The following ZNF100 variants were observed in gnomAD, a reference collection of about 807,000 sequenced individuals.
ZNF100 encodes the protein zinc finger protein 100.
Under a neutral mutation model 15.8 loss-of-function variants are expected in ZNF100, and 12 were observed. That is an observed-to-expected ratio of 0.76 (90% CI 0.49 to 1.23). ZNF100 has a LOEUF of 1.23. Among genes scored for constraint, ZNF100 ranks in the 50% most tolerant of loss-of-function variants. The pLI, the probability that ZNF100 is intolerant of heterozygous loss-of-function variation, is 0.00. For missense variants in ZNF100, 670 were observed against 635.6 expected (o/e 1.05, Z -0.58); for synonymous variants, 226 against 214.8 (o/e 1.05, Z -0.45).
At chr19:21,767,330 TGA>T in intron 1 of ZNF100, 95 bp downstream of exon 1, 1 of 1,597,244 alleles carries the variant, frequency 6.3e-7, no homozygotes, top group Non-Finnish European at 8.6e-7. Context: ...ATTGTGAAGC[TGA>T]CTGCGGAGAG....
chr19:21,735,320 C>A (rs2035988792), intron 4 of ZNF100, among the ~76,000 whole-genome samples: 1 of 151,920 alleles, frequency 6.6e-6, no homozygotes, highest in Non-Finnish European at 1.5e-5. Flanking sequence ...CGGTGAAACC[C>A]CGTCTCTACT....
intron 2 of ZNF100, among the ~76,000 whole-genome samples, chr19:21,764,875 A>G (rs926833569): frequency 6.6e-6 from 1 of 152,176 alleles, no homozygotes; most frequent in Non-Finnish European, 1.5e-5. Context: ...TGATGTTTTA[A>G]TGAATCTATG....
intron 2 of ZNF100, 142 bp downstream of exon 2, chr19:21,765,552 G>T: frequency 1.6e-5 from 10 of 641,906 alleles, no homozygotes; most frequent in South Asian, 2.6e-5. Context: ...CTATTTTTCT[G>T]CCCCCCTTAG....
At chr19:21,756,504 A>ACACAC (rs1382293235) in intron 2 of ZNF100, among the ~76,000 whole-genome samples, 37 of 151,874 alleles carry the variant, frequency 2.4e-4, no homozygotes, top group Non-Finnish European at 1.0e-4. Flanking sequence ...ACACACACAC[A>ACACAC]CACAAATATC....
At chr19:21,730,848 T>A (rs926722411) in intron 4 of ZNF100, among the ~76,000 whole-genome samples, 6 of 151,338 alleles carry the variant, frequency 4.0e-5, no homozygotes, top group African/African-American at 1.5e-4. Flanking sequence ...GAAAAACAAT[T>A]AAACATTTAC....
Position 21,723,849 on chromosome 19 carries a change from T to A in ZNF100, c.*2834A>T, listed in dbSNP as rs574863094. ...TTGACTCAATAAATAAATTTACTTA[T>A]GTCAACTATAAAAAGTGAAAAGAAA... On this transcript the variant is annotated 3_prime_UTR_variant, in exon 5 of 5. Coordinates refer to ENST00000358296, the MANE Select transcript of ZNF100 (RefSeq NM_173531.4). 6.6e-6 allele frequency: 1 copy of A among 152,206 alleles called. No homozygotes were observed. The highest frequency in any genetic ancestry group is 1.5e-5 in the Non-Finnish European group (1 of 68,026). The allele number at this position is 152,206 out of a possible 1,614,324, so 9.4% of individuals were successfully genotyped here. A position where few individuals can be genotyped will look rare whatever the true frequency, so the allele number is the denominator to read the frequency against.
intron 2 of ZNF100, chr19:21,750,987 T>C: frequency 2.6e-6 from 3 of 1,134,914 alleles, no homozygotes; most frequent in Non-Finnish European, 2.5e-6. Flanking sequence ...CCCGCTTCTG[T>C]GGAGCCTACC....
intron 2 of ZNF100, among the ~76,000 whole-genome samples, chr19:21,755,044 A>G (rs10413152): frequency 0.95 from 145,131 of 152,332 alleles, 69,254 homozygotes; most frequent in Middle Eastern, 0.99. Flanking sequence ...CACTCAGCCG[A>G]GCTCACGCCT....
chr19:21,744,242 G>C (rs2036172404), intron 3 of ZNF100, 127 bp from the exon 4 acceptor site: 45 of 830,706 alleles, frequency 5.4e-5, no homozygotes, highest in Non-Finnish European at 7.1e-5. Context: ...ATTAATGAGA[G>C]AAATTTCTAA....
In ZNF100 at chr19:21,727,488, T is replaced by C; in HGVS notation, c.824A>G (p.His275Arg). 1 of 1,613,120 alleles carries C rather than the reference T, an allele frequency of 6.2e-7. No homozygotes were observed. The highest frequency in any genetic ancestry group is 8.5e-7 in the Non-Finnish European group (1 of 1,179,660). ...ATGAATTATCTTATGTGTAGTAAGG[T>C]GTGAGGACCGGTTAAATGCTTTCCC... ...ECGKAFNRSS[H>R]LTTHKIIHTG... The change falls in exon 5 of 5, where the codon CAC becomes CGC. Residue 275 changes from histidine (H) to arginine (R), a missense_variant. Coordinates refer to ENST00000358296, the MANE Select transcript of ZNF100 (RefSeq NM_173531.4).
intron 4 of ZNF100, among the ~76,000 whole-genome samples, chr19:21,741,893 G>C (rs2036116375): frequency 6.6e-6 from 1 of 152,024 alleles, no homozygotes; most frequent in Non-Finnish European, 1.5e-5. Flanking sequence ...GCCCTGGCTG[G>C]TCTCAAACTT....
At chr19:21,748,855 C>A (rs190842127) in intron 2 of ZNF100, among the ~76,000 whole-genome samples, 41 of 152,318 alleles carry the variant, frequency 2.7e-4, no homozygotes, top group Middle Eastern at 6.8e-3. Flanking sequence ...CAGGCATGCA[C>A]CACCTCGCCT....
chr19:21,737,702 C>A (rs1307547072), intron 4 of ZNF100, among the ~76,000 whole-genome samples: 3 of 152,036 alleles, frequency 2.0e-5, no homozygotes, highest in Non-Finnish European at 4.4e-5. Context: ...CCTGAATAGA[C>A]CAACAACAAG....
intron 3 of ZNF100, 57 bp downstream of exon 3, chr19:21,744,884 C>CA: frequency 1.3e-6 from 2 of 1,576,828 alleles, no homozygotes; most frequent in Non-Finnish European, 8.6e-7. Context: ...AATCATTCCA[C>CA]AAAAAAAGAG....
At chr19:21,754,608 C>A (rs2036363250) in intron 2 of ZNF100, among the ~76,000 whole-genome samples, 1 of 152,114 alleles carries the variant, frequency 6.6e-6, no homozygotes, top group Admixed American at 6.5e-5. Context: ...AACTGGACCC[C>A]TTCCTTACAA....
intron 4 of ZNF100, among the ~76,000 whole-genome samples, chr19:21,729,212 AC>A (rs2035869796): frequency 6.6e-6 from 1 of 152,076 alleles, no homozygotes; most frequent in African/African-American, 2.4e-5. Context: ...ATAAAGTCAA[AC>A]TCCTGTAAAA....
chr19:21,767,315 C>G (rs1231826901), intron 1 of ZNF100, 112 bp downstream of exon 1: 5 of 1,580,736 alleles, frequency 3.2e-6, no homozygotes, highest in South Asian at 1.1e-5. Flanking sequence ...CTGGGCAAGG[C>G]GCAGATTGTG....
Position 21,726,552 on chromosome 19 carries a change from T to C in ZNF100, c.*131A>G. 1 of 803,630 alleles carries C rather than the reference T, an allele frequency of 1.2e-6. No individual in the cohort carries two copies. 49.8% of individuals were successfully genotyped at this position (803,630 alleles called of 1,614,324 possible). A position where few individuals can be genotyped will look rare whatever the true frequency, so the allele number is the denominator to read the frequency against. Reference sequence around the variant, plus strand: ...AATTTCTCTCTAGTATGAATTATCTTATGTCTGTTAGGAATTGAGAATTTA... The same window carrying C: ...AATTTCTCTCTAGTATGAATTATCTCATGTCTGTTAGGAATTGAGAATTTA... On this transcript the variant is annotated 3_prime_UTR_variant, in exon 5 of 5. Transcript: ENST00000358296.
chr19:21,751,093 C>A, intron 2 of ZNF100: 2 of 1,432,576 alleles, frequency 1.4e-6, no homozygotes, highest in Non-Finnish European at 9.8e-7. Flanking sequence ...CCCTTCTGAC[C>A]ATCCAAGGGC....
Sources: gnomAD v4.1 joint callset for allele counts (sites outside exome capture counted in the v4.1 genomes callset) on GRCh38, gnomAD v4.1.1 for gene constraint, MANE v1.5 for transcripts, NCBI Gene and HGNC (gene_info 2026-07-23, HGNC 2026-07-21) for gene names.